Variants in SEMA3A observed in about 807,000 individuals in gnomAD.
SEMA3A encodes semaphorin-3A.
A neutral mutation model predicts 97.9 loss-of-function variants in SEMA3A; 29 were observed. The ratio of observed to expected loss-of-function variants is 0.30; its 90% CI spans 0.22 to 0.40. The LOEUF is 0.40. Among genes scored for constraint, SEMA3A ranks in the 10% least tolerant of loss-of-function variants. The pLI is 1.00. For synonymous variants in SEMA3A, 321 were observed against 323.7 expected (o/e 0.99, Z 0.09); for missense variants, 763 against 951.3 (o/e 0.80, Z 2.60).
intron 3 of SEMA3A, among the ~76,000 whole-genome samples, chr7:84,261,026 A>T (rs1438127093): frequency 6.6e-6 from 1 of 151,738 alleles, no homozygotes; most frequent in Non-Finnish European, 1.5e-5. Flanking sequence ...AAGCCCATAA[A>T]CCCCCCAGAT....
intron 2 of SEMA3A, among the ~76,000 whole-genome samples, chr7:84,330,224 C>G (rs956675888): frequency 1.3e-5 from 2 of 151,840 alleles, no homozygotes; most frequent in Admixed American, 1.3e-4. Context: ...TATAACAAAC[C>G]TGCACATGTA....
At chr7:84,404,184 C>T (rs1803994788) in intron 1 of SEMA3A, among the ~76,000 whole-genome samples, 1 of 152,004 alleles carries the variant, frequency 6.6e-6, no homozygotes, top group Non-Finnish European at 1.5e-5. Context: ...ATAAACAGTG[C>T]AGAGAAGTCC....
intron 2 of SEMA3A, among the ~76,000 whole-genome samples, chr7:84,348,060 G>C (rs923834180): frequency 2.0e-5 from 3 of 152,128 alleles, no homozygotes; most frequent in South Asian, 2.1e-4. Context: ...GGAATGTATG[G>C]GGACTCTGCA....
chr7:84,269,424 C>T (rs577187299), intron 3 of SEMA3A, among the ~76,000 whole-genome samples: 2 of 152,116 alleles, frequency 1.3e-5, no homozygotes, highest in South Asian at 2.1e-4. Context: ...ATGGGAATTA[C>T]GTGAGGTTAG....
chr7:84,124,485 G>A (rs552527477), intron 3 of SEMA3A, among the ~76,000 whole-genome samples: 5 of 152,176 alleles, frequency 3.3e-5, no homozygotes, highest in South Asian at 2.1e-4. Context: ...AGTATTACCC[G>A]AGCCCTTTGA....
At chr7:84,357,102 CT>C (rs34822438) in intron 2 of SEMA3A, among the ~76,000 whole-genome samples, 42,894 of 149,010 alleles carry the variant, frequency 0.29, 6,589 homozygotes, top group African/African-American at 0.38. Flanking sequence ...AAACTAATTT[CT>C]TTTTTTTTCT....
chr7:84,469,300 G>C (rs966744819), intron 1 of SEMA3A, among the ~76,000 whole-genome samples: 1 of 152,244 alleles, frequency 6.6e-6, no homozygotes, highest in Admixed American at 6.5e-5. Context: ...AATGTTTTTA[G>C]TCATGGACCT....
At chr7:84,010,969 G>A in intron 9 of SEMA3A, 53 bp downstream of exon 9, 1 of 1,336,628 alleles carries the variant, frequency 7.5e-7, no homozygotes, top group Non-Finnish European at 1.0e-6. Context: ...TGAGTACTTG[G>A]ATAGCACCTA....
rs187335582 is a variant in SEMA3A, at chr7:84,384,184, T to C, written c.-245-12284A>G. On this transcript the variant is annotated intron_variant, in intron 1 of 3. Transcript: ENST00000424555. ...GAGCAGGGATCACTTTTTTATGACATTGGGAAATTAAAAATAATAATCATC... is the reference window on the plus strand; with the variant it reads ...GAGCAGGGATCACTTTTTTATGACACTGGGAAATTAAAAATAATAATCATC... Among the ~76,000 whole-genome samples the C allele has an allele frequency of 9.3e-4, 142 of 152,274 alleles. 1 individual carries two copies. The highest frequency in any genetic ancestry group is 3.1e-3 in the African/African-American group (129 of 41,582).
intron 12 of SEMA3A, among the ~76,000 whole-genome samples, chr7:83,992,798 A>T (rs2116356220): frequency 6.6e-6 from 1 of 152,184 alleles, no homozygotes; most frequent in South Asian, 2.1e-4. Flanking sequence ...TATTCTGTTG[A>T]TTTGGGGTGG....
chr7:83,999,029 T>C (rs1790331518), intron 12 of SEMA3A, among the ~76,000 whole-genome samples: 1 of 152,138 alleles, frequency 6.6e-6, no homozygotes, highest in Admixed American at 6.5e-5. Flanking sequence ...TGCCAGAGGA[T>C]GTTTTATAAG....
At chr7:84,249,805 G>T (rs1050342150) in intron 3 of SEMA3A, among the ~76,000 whole-genome samples, 1 of 151,058 alleles carries the variant, frequency 6.6e-6, no homozygotes, top group Non-Finnish European at 1.5e-5. Flanking sequence ...AAATTGTCAA[G>T]TACCTCTCTG....
chr7:84,301,747 A>G (rs943539517), intron 3 of SEMA3A, among the ~76,000 whole-genome samples: 8 of 152,146 alleles, frequency 5.3e-5, no homozygotes, highest in Admixed American at 1.3e-4. Flanking sequence ...ATATACTTCT[A>G]TTCACAAATA....
chr7:84,329,965 T>C (rs746630786), intron 2 of SEMA3A, among the ~76,000 whole-genome samples: 2 of 152,078 alleles, frequency 1.3e-5, no homozygotes, highest in Non-Finnish European at 2.9e-5. Context: ...TGTGTTTCAC[T>C]ATTTGATTAA....
chr7:84,260,208 A>T (rs1799816319), intron 3 of SEMA3A, among the ~76,000 whole-genome samples: 1 of 152,196 alleles, frequency 6.6e-6, no homozygotes, highest in Non-Finnish European at 1.5e-5. Flanking sequence ...TAAGTAAAAC[A>T]TTACTCTCTC....
intron 15 of SEMA3A, among the ~76,000 whole-genome samples, chr7:83,965,947 G>A (rs1562943810): frequency 6.7e-6 from 1 of 150,134 alleles, no homozygotes; most frequent in Non-Finnish European, 1.5e-5. Context: ...CCAAAGTGCT[G>A]GGATTACAGG....
intron 3 of SEMA3A, among the ~76,000 whole-genome samples, chr7:84,234,245 C>T (rs1262098127): frequency 6.6e-6 from 1 of 151,930 alleles, no homozygotes; most frequent in African/African-American, 2.4e-5. Flanking sequence ...TAATCTTTTC[C>T]TAGAATAAAG....
At chr7:84,093,080 T>A (rs1200789472) in intron 4 of SEMA3A, among the ~76,000 whole-genome samples, 1 of 152,194 alleles carries the variant, frequency 6.6e-6, no homozygotes, top group African/African-American at 2.4e-5. Context: ...TACTACGTTT[T>A]ATTTTTGAGA....
chr7:83,975,253 A>T (rs1263567962), intron 15 of SEMA3A, among the ~76,000 whole-genome samples: 1 of 152,134 alleles, frequency 6.6e-6, no homozygotes, highest in African/African-American at 2.4e-5. Context: ...AACTGAATCT[A>T]TAAAGGGATC....
Sources: gnomAD v4.1 joint callset for allele counts (sites outside exome capture counted in the v4.1 genomes callset) on GRCh38, gnomAD v4.1.1 for gene constraint, MANE v1.5 for transcripts, NCBI Gene and HGNC (gene_info 2026-07-23, HGNC 2026-07-21) for gene names.